Variants in RBFOX3 observed in about 807,000 individuals in gnomAD.
The protein encoded by RBFOX3 is RNA binding protein fox-1 homolog 3.
RBFOX3 carries 17 observed loss-of-function variants against 48.7 expected under a neutral mutation model. The ratio of observed to expected loss-of-function variants is 0.35; its 90% CI spans 0.24 to 0.52. The LOEUF (loss-of-function observed/expected upper bound fraction) is 0.52, where lower values mean the gene tolerates loss of function less well. Ranked by LOEUF, RBFOX3 falls within the 20% of genes least tolerant of loss-of-function variation. The pLI is 0.94. For synonymous variants in RBFOX3, 212 were observed against 209.5 expected (o/e 1.01, Z -0.10); for missense variants, 382 against 497.5 (o/e 0.77, Z 2.21).
chr17:79,238,466 T>G (rs1395224292), intron 3 of RBFOX3, among the ~76,000 whole-genome samples: 1 of 152,120 alleles, frequency 6.6e-6, no homozygotes, highest in East Asian at 1.9e-4. Flanking sequence ...GGGCTTCACC[T>G]CTCTTCCCGA....
intron 1 of RBFOX3, among the ~76,000 whole-genome samples, chr17:79,597,309 T>C (rs2093593788): frequency 6.6e-6 from 1 of 152,202 alleles, no homozygotes; most frequent in Admixed American, 6.5e-5. Flanking sequence ...GACTCCGGTT[T>C]GCATTGGGAA....
At chr17:79,660,466 C>T in the RBFOX3 span, among the ~76,000 whole-genome samples, 19 of 152,166 alleles carry the variant, frequency 1.2e-4, no homozygotes, top group South Asian at 3.1e-3. Context: ...AAATCAACCC[C>T]ATTAAAAAGT....
intron 2 of RBFOX3, among the ~76,000 whole-genome samples, chr17:79,448,485 G>A (rs1275619199): frequency 3.9e-5 from 6 of 152,190 alleles, no homozygotes; most frequent in Non-Finnish European, 7.3e-5. Context: ...AGAAGGCCAC[G>A]TGGAGACAGA....
chr17:79,636,345 C>T, the RBFOX3 span, among the ~76,000 whole-genome samples: 1 of 151,982 alleles, frequency 6.6e-6, no homozygotes, highest in Non-Finnish European at 1.5e-5. Context: ...AATACACTAC[C>T]AATTTTACTG....
At chr17:79,180,577 C>T (rs541860762) in intron 4 of RBFOX3, among the ~76,000 whole-genome samples, 1 of 152,350 alleles carries the variant, frequency 6.6e-6, no homozygotes, top group Admixed American at 6.5e-5. Context: ...GGCCCCTCCT[C>T]CTGTGGCCTT....
At chr17:79,280,205 ACACT>A (rs1486365507) in intron 3 of RBFOX3, among the ~76,000 whole-genome samples, 6 of 146,908 alleles carry the variant, frequency 4.1e-5, no homozygotes, top group East Asian at 2.1e-4. Context: ...TACACACCAC[ACACT>A]CACAAACATG....
At chr17:79,230,321 A>G (rs1373063036) in intron 4 of RBFOX3, among the ~76,000 whole-genome samples, 6 of 152,066 alleles carry the variant, frequency 3.9e-5, no homozygotes, top group Admixed American at 2.6e-4. Context: ...GTGCAGTGGT[A>G]CGATCTTGGC....
At chr17:79,386,919 T>C (rs1489451462) in intron 2 of RBFOX3, among the ~76,000 whole-genome samples, 2 of 152,174 alleles carry the variant, frequency 1.3e-5, no homozygotes, top group African/African-American at 2.4e-5. Flanking sequence ...GGAAGACAGG[T>C]CTACTTATGA....
chr17:79,350,143 T>A (rs1158390917), intron 2 of RBFOX3, among the ~76,000 whole-genome samples: 2 of 152,182 alleles, frequency 1.3e-5, no homozygotes, highest in African/African-American at 4.8e-5. Flanking sequence ...GGATGCCCCC[T>A]GTCCGTGGCA....
rs983408502 is a variant in RBFOX3 at position 79,477,618 on chromosome 17, G to A, written c.-175+4836C>T. 5.3e-5 allele frequency among the ~76,000 whole-genome samples: 8 copies of A among 152,070 alleles called. No homozygotes were observed. Among genetic ancestry groups the A allele is most frequent in the South Asian group, 2.1e-4 (1 of 4,824 alleles). On this transcript the variant is annotated intron_variant, in intron 2 of 14. Transcript: ENST00000693108. This position sits in a 1 kb window ranked among gnomAD's most constrained non-coding sequence, Gnocchi z 4.8. ...GGTGAAACAGAAGCAATGGAGTGGG[G>A]CCCCAGGTCCTTGTCTCATGTCCTC...
At chr17:79,367,493 A>G (rs2057949936) in intron 2 of RBFOX3, among the ~76,000 whole-genome samples, 1 of 152,074 alleles carries the variant, frequency 6.6e-6, no homozygotes, top group South Asian at 2.1e-4. Flanking sequence ...GTTAGCGATG[A>G]GCACTCATGA....
At chr17:79,491,043 GGAGGAAAGGA>G (rs1555772200) in intron 1 of RBFOX3, among the ~76,000 whole-genome samples, 61 of 91,388 alleles carry the variant, frequency 6.7e-4, no homozygotes, top group African/African-American at 2.3e-3. Flanking sequence ...AGAGGGGAGG[GGAGGAAAGGA>G]GAGGGGAGGG....
chr17:79,409,001 C>A (rs1212675521), intron 2 of RBFOX3, among the ~76,000 whole-genome samples: 1 of 152,210 alleles, frequency 6.6e-6, no homozygotes, highest in Non-Finnish European at 1.5e-5. Flanking sequence ...CCAGCCCCTG[C>A]CACCTGGCCC....
intron 2 of RBFOX3, among the ~76,000 whole-genome samples, chr17:79,406,843 C>T (rs79084056): frequency 0.096 from 14,636 of 152,120 alleles, 851 homozygotes; most frequent in South Asian, 0.15. Context: ...CCTGGGGGGA[C>T]AATATTTGGG....
chr17:79,544,776 C>G (rs1197222551), intron 1 of RBFOX3, among the ~76,000 whole-genome samples: 1 of 151,902 alleles, frequency 6.6e-6, no homozygotes, highest in Non-Finnish European at 1.5e-5. Context: ...TTCCTCACCT[C>G]CTGAGCAGCA....
At chr17:79,647,656 A>G in the RBFOX3 span, among the ~76,000 whole-genome samples, 1 of 152,130 alleles carries the variant, frequency 6.6e-6, no homozygotes, top group Non-Finnish European at 1.5e-5. Flanking sequence ...CATGCCACAC[A>G]GAGCACCCCA....
intron 1 of RBFOX3, among the ~76,000 whole-genome samples, chr17:79,555,921 T>C (rs1808317729): frequency 6.6e-6 from 1 of 151,510 alleles, no homozygotes; most frequent in Admixed American, 6.6e-5. Flanking sequence ...TTGGCAACAA[T>C]GACAACAATT....
intron 4 of RBFOX3, among the ~76,000 whole-genome samples, chr17:79,162,375 G>C (rs910804866): frequency 1.8e-4 from 28 of 152,276 alleles, no homozygotes; most frequent in Admixed American, 1.6e-3. Flanking sequence ...GCCGCCCCCA[G>C]CCCGGTGAGT....
At chr17:79,456,151 C>T (rs1386349840) in intron 2 of RBFOX3, among the ~76,000 whole-genome samples, 1 of 152,198 alleles carries the variant, frequency 6.6e-6, no homozygotes, top group Non-Finnish European at 1.5e-5. Flanking sequence ...CAGGGTCCCA[C>T]CCCAAGCCTT....
Sources: allele counts gnomAD v4.1 joint callset (sites outside exome capture counted in the v4.1 genomes callset), GRCh38; gene constraint gnomAD v4.1.1; non-coding constraint Gnocchi (gnomAD v3.1); transcripts MANE v1.5; gene names NCBI Gene and HGNC (gene_info 2026-07-23, HGNC 2026-07-21).